The following TNFRSF10A variants were observed in gnomAD, a reference collection of about 807,000 sequenced individuals.
TNFRSF10A encodes TNF receptor superfamily member 10a.
Under a neutral mutation model 42.8 loss-of-function variants are expected in TNFRSF10A, and 44 were observed. The ratio of observed to expected loss-of-function variants is 1.03; its 90% CI spans 0.81 to 1.32. TNFRSF10A has a LOEUF of 1.32. TNFRSF10A is among the 40% of genes most tolerant of loss of function. The pLI, the probability that TNFRSF10A is intolerant of heterozygous loss-of-function variation, is 0.00. For synonymous variants in TNFRSF10A, 259 were observed against 234.2 expected (o/e 1.11, Z -0.97); for missense variants, 680 against 602.0 (o/e 1.13, Z -1.36).
chr8:23,200,836 T>A, intron 4 of TNFRSF10A, 76 bp from the exon 5 acceptor site: 1 of 1,354,022 alleles, frequency 7.4e-7, no homozygotes, highest in Non-Finnish European at 1.1e-6. Context: ...GGAGCCACTC[T>A]CCCTGCCCAA....
intron 2 of TNFRSF10A, among the ~76,000 whole-genome samples, chr8:23,207,900 GAAA>G (rs71208593): frequency 5.6e-5 from 7 of 124,984 alleles, no homozygotes; most frequent in Middle Eastern, 4.3e-3. Context: ...TCAGCAGCAC[GAAA>G]AAAAAAAAAA....
rs1423815583 is a variant in TNFRSF10A at position 23,219,076 on chromosome 8, GCA to G, written c.306+5678_306+5679del. Among the ~76,000 whole-genome samples the G allele has an allele frequency of 1.8e-3, 279 of 152,024 alleles. 2 individuals carry two copies. The highest frequency in any genetic ancestry group is 6.5e-3 in the African/African-American group (271 of 41,472). ...GGGAGGGATGGCATCCCTGGAGCCG[GCA>G]CAGCCTCTCTGGAGGTGGGGGGTGG... On this transcript the variant is annotated intron_variant, in intron 1 of 9. Coordinates refer to ENST00000221132, the MANE Select transcript of TNFRSF10A (RefSeq NM_003844.4).
In TNFRSF10A at chr8:23,199,908, C is replaced by T. The variant is rs765387201; in HGVS notation, c.809G>A (p.Gly270Glu). The change falls in exon 7 of 10, where the codon GGG becomes GAG. Residue 270 changes from glycine to glutamate, a missense_variant. Coordinates refer to ENST00000221132, the MANE Select transcript of TNFRSF10A (RefSeq NM_003844.4). Reference protein sequence around the residue: ...VCCCIGSGCGGDPKCMDRVCF... With the variant: ...VCCCIGSGCGEDPKCMDRVCF... ...CACCCTGTCCATGCACTTGGGGTCC[C>T]CTCCACAACCTAGAAGAGAAGACGG... is the stretch of plus-strand genomic sequence containing the variant. 4.3e-6 allele frequency: 7 copies of T among 1,614,102 alleles called. No individual in the cohort carries two copies. In the East Asian group the frequency reaches 8.9e-5, roughly 21 times the overall value.
At position 23,202,711 on chromosome 8, in the gene TNFRSF10A, C is replaced by T. The variant is rs777425041; in HGVS notation, c.454G>A (p.Val152Met). 2.5e-6 allele frequency: 4 copies of T among 1,613,950 alleles called. No homozygotes were observed. The highest frequency in any genetic ancestry group is 3.4e-6 in the Non-Finnish European group (4 of 1,179,968). ...TTGTTGGAAGCATTGGTGTAACCCA[C>T]ACCCTCTGTGCACCGGTTACAGGCT... ...PGACNRCTEG[V>M]GYTNASNNLF... is the part of the protein sequence containing the mutation. Residue 152 changes from valine (V) to methionine (M), a missense_variant, in exon 3 of 10, where the codon GTG becomes ATG. Coordinates refer to ENST00000221132, the MANE Select transcript of TNFRSF10A (RefSeq NM_003844.4).
At chr8:23,203,909 T>C (rs1800970837) in intron 2 of TNFRSF10A, among the ~76,000 whole-genome samples, 1 of 152,006 alleles carries the variant, frequency 6.6e-6, no homozygotes, top group Non-Finnish European at 1.5e-5. Context: ...CCCGAGTAGC[T>C]GGGACTACAG....
chr8:23,199,379 T>G lies in TNFRSF10A; in HGVS notation c.901A>C (p.Ser301Arg). ...AEDNAHNEILSNADSLSTFVS... is the reference protein window; with the variant it reads ...AEDNAHNEILRNADSLSTFVS... Reference sequence around the variant, plus strand: ...AAAGTGGACAGCGAGTCTGCGTTGCTCAGAATCTCGTTGTGAGCATTGTCC... The same window carrying G: ...AAAGTGGACAGCGAGTCTGCGTTGCGCAGAATCTCGTTGTGAGCATTGTCC... Residue 301 changes from serine to arginine, a missense_variant, in exon 8 of 10, where the codon AGC (serine) becomes CGC (arginine). Coordinates refer to ENST00000221132, the MANE Select transcript of TNFRSF10A (RefSeq NM_003844.4). 6.2e-7 allele frequency: 1 copy of G among 1,614,126 alleles called. No individual in the cohort carries two copies. Among genetic ancestry groups the G allele is most frequent in the Non-Finnish European group, 8.5e-7 (1 of 1,180,006 alleles).
In TNFRSF10A at chr8:23,191,981, T is replaced by C; in HGVS notation, c.1120A>G (p.Ile374Val). ...TGGTCCCAGGAGTCAAAGGGCACGA[T>C]GTTTGCAAACTTGTCAAAGAACAGC... Reference protein sequence around the residue: ...LMLFFDKFANIVPFDSWDQLM... With the variant: ...LMLFFDKFANVVPFDSWDQLM... Residue 374 changes from isoleucine to valine, a missense_variant, in exon 10 of 10, where the codon ATC becomes GTC. Transcript: ENST00000221132. 1 of 1,614,094 alleles carries C rather than the reference T, an allele frequency of 6.2e-7. No homozygotes were observed. Among genetic ancestry groups the C allele is most frequent in the Non-Finnish European group, 8.5e-7 (1 of 1,180,022 alleles).
intron 1 of TNFRSF10A, among the ~76,000 whole-genome samples, chr8:23,216,482 G>T (rs139807147): frequency 6.6e-6 from 1 of 151,982 alleles, no homozygotes; most frequent in South Asian, 2.1e-4. Flanking sequence ...GGTGGCTCAC[G>T]CCTGTAATCC....
chr8:23,199,291 G>A lies in TNFRSF10A; in HGVS notation c.989C>T (p.Ser330Phe), dbSNP rs762970156. 3 of 1,614,024 alleles carry A rather than the reference G, an allele frequency of 1.9e-6. No homozygotes were observed. The highest frequency in any genetic ancestry group is 2.7e-5 in the African/African-American group (2 of 74,910). Residue 330 changes from serine to phenylalanine, a missense_variant, in exon 8 of 10, where the codon TCC becomes TTC. Coordinates refer to ENST00000221132, the MANE Select transcript of TNFRSF10A (RefSeq NM_003844.4). ...PADLTGVTVQ[S>F]PGEAQCLLGP... The stretch of plus-strand genomic sequence containing the variant: ...CAGCAGACACTGTGCCTCCCCTGGG[G>A]ACTGTACAGTGACACCTGTCAAATC...
chr8:23,200,848 G>T, intron 4 of TNFRSF10A, 88 bp from the exon 5 acceptor site: 1 of 1,262,636 alleles, frequency 7.9e-7, no homozygotes, highest in Non-Finnish European at 1.2e-6. Flanking sequence ...CCTGCCCAAT[G>T]TCCCTGAGAA....
At chr8:23,193,400 A>G (rs1800780979) in intron 9 of TNFRSF10A, among the ~76,000 whole-genome samples, 1 of 152,210 alleles carries the variant, frequency 6.6e-6, no homozygotes, top group Non-Finnish European at 1.5e-5. Flanking sequence ...TTGAAATTTG[A>G]CATTTGCATC....
Position 23,199,208 on chromosome 8 carries a change from G to A in TNFRSF10A, c.1014+58C>T, listed in dbSNP as rs79109720. Reference sequence around the variant, plus strand: ...CACTTCCCCTTTGACCAGGAGAGCCGAGGCATGGCCTTCACCCCCTGCCTA... The same window carrying A: ...CACTTCCCCTTTGACCAGGAGAGCCAAGGCATGGCCTTCACCCCCTGCCTA... On this transcript the variant is annotated intron_variant, in intron 8 of 9. Transcript: ENST00000221132. 8.3e-4 allele frequency: 1,308 copies of A among 1,571,356 alleles called. 8 individuals are homozygous for A. The African/African-American group carries it at 0.015, about 18-fold the overall frequency.
chr8:23,208,508 G>C (rs1309731028), intron 2 of TNFRSF10A, among the ~76,000 whole-genome samples: 1 of 152,146 alleles, frequency 6.6e-6, no homozygotes, highest in Non-Finnish European at 1.5e-5. Context: ...CCAGGCTGGA[G>C]TGCAGTGGCA....
At chr8:23,213,735 C>T (rs1332124369) in intron 1 of TNFRSF10A, among the ~76,000 whole-genome samples, 5 of 151,760 alleles carry the variant, frequency 3.3e-5, no homozygotes, top group Admixed American at 6.6e-5. Context: ...TGAGCCACCA[C>T]GCCCAGCTGT....
At chr8:23,213,399 G>C (rs1028284166) in intron 1 of TNFRSF10A, among the ~76,000 whole-genome samples, 13 of 138,420 alleles carry the variant, frequency 9.4e-5, no homozygotes, top group African/African-American at 3.5e-4. Flanking sequence ...TGTTATCTCT[G>C]ATCTATTTTT....
chr8:23,211,507 T>G (rs1801091798), intron 2 of TNFRSF10A, among the ~76,000 whole-genome samples: 1 of 152,146 alleles, frequency 6.6e-6, no homozygotes, highest in Admixed American at 6.5e-5. Context: ...ACAATCCCTG[T>G]GAGAAACTCA....
chr8:23,200,397 C>T lies in TNFRSF10A; in HGVS notation c.799+108G>A, dbSNP rs548814456. 9.0e-5 allele frequency: 114 copies of T among 1,261,936 alleles called. 1 individual carries two copies. In the African/African-American group the frequency reaches 1.3e-3, roughly 15 times the overall value. The allele number at this position is 1,261,936 out of a possible 1,614,324, so 78.2% of individuals were successfully genotyped here. On this transcript the variant is annotated intron_variant, in intron 6 of 9. Coordinates refer to ENST00000221132, the MANE Select transcript of TNFRSF10A (RefSeq NM_003844.4). ...TGATCACAAGGAGGAAGATAGAGCCCGGCCAGAGACACTAGGACTTGGGGC... is the reference window on the plus strand; with the variant it reads ...TGATCACAAGGAGGAAGATAGAGCCTGGCCAGAGACACTAGGACTTGGGGC...
At position 23,201,821 on chromosome 8, in the gene TNFRSF10A, TC is replaced by T; in HGVS notation, c.615del (p.Lys206SerfsTer37). 1 of 1,614,206 alleles carries T rather than the reference TC, an allele frequency of 6.2e-7. No homozygotes were observed. Among genetic ancestry groups the T allele is most frequent in the Non-Finnish European group, 8.5e-7 (1 of 1,180,020 alleles). The stretch of plus-strand genomic sequence containing the variant: ...CTGTTGTCTCACCCTCTGCTGCACT[TC>T]CGGCACATCTCAGCAGAATTGTCAT... ...FRNDNSAEMC[R>X]KCSRGCPRGM... On this transcript the variant is annotated frameshift_variant, in exon 4 of 10. Transcript: ENST00000221132. LOFTEE classifies it high-confidence loss of function.
intron 1 of TNFRSF10A, among the ~76,000 whole-genome samples, chr8:23,218,540 C>T (rs1180603849): frequency 9.9e-5 from 15 of 152,140 alleles, no homozygotes; most frequent in African/African-American, 3.4e-4. Flanking sequence ...AGCAAGCCAT[C>T]TGTCTTGTAG....
Sources: gnomAD v4.1 joint callset for allele counts (sites outside exome capture counted in the v4.1 genomes callset) on GRCh38, gnomAD v4.1.1 for gene constraint, MANE v1.5 for transcripts, NCBI Gene and HGNC (gene_info 2026-07-23, HGNC 2026-07-21) for gene names.